SEPTIN9: variants seen among roughly 807,000 people sequenced by gnomAD.
SEPTIN9 encodes septin-9.
SEPTIN9 carries 13 observed loss-of-function variants against 56.6 expected under a neutral mutation model. The ratio of observed to expected loss-of-function variants is 0.23; its 90% confidence interval spans 0.15 to 0.37. The LOEUF (loss-of-function observed/expected upper bound fraction) is 0.37. SEPTIN9 is among the 10% of genes least tolerant of loss of function. The pLI is 1.00. For missense variants in SEPTIN9, 650 were observed against 823.1 expected (o/e 0.79, Z 2.57); for synonymous variants, 332 against 334.1 (o/e 0.99, Z 0.07).
At position 77,451,274 on chromosome 17, in the gene SEPTIN9, G is replaced by A; in HGVS notation, c.722-30870G>A. ...TTCAGGTTGCTTCTGCGCCGGGCCT[G>A]CCGCTGGGCGCCCCTATCTCTGCCT... is the stretch of plus-strand genomic sequence containing the variant. On this transcript the variant is annotated intron_variant, in intron 3 of 11. Coordinates refer to ENST00000427177, the MANE Select transcript of SEPTIN9 (RefSeq NM_001113491.2). The surrounding 1 kb of genome is among the most constrained non-coding windows in gnomAD (Gnocchi z 4.2). The A allele has an allele frequency of 1.3e-6, 1 of 760,096 alleles. No homozygotes were observed. The highest frequency in any genetic ancestry group is 1.6e-6 in the Non-Finnish European group (1 of 623,810). The allele number at this position is 760,096 out of a possible 1,614,324, so 47.1% of individuals were successfully genotyped here.
intron 2 of SEPTIN9, among the ~76,000 whole-genome samples, chr17:77,359,620 C>T (rs2034352883): frequency 6.6e-6 from 1 of 151,996 alleles, no homozygotes; most frequent in African/African-American, 2.4e-5. Flanking sequence ...TTGCAAGACC[C>T]TGTCTCTGCA....
chr17:77,467,582 C>T (rs918310013), intron 3 of SEPTIN9, among the ~76,000 whole-genome samples: 28 of 152,324 alleles, frequency 1.8e-4, no homozygotes, highest in African/African-American at 6.0e-4. Context: ...TTTCCTGAAC[C>T]GGCCTCCCAC....
intron 2 of SEPTIN9, among the ~76,000 whole-genome samples, chr17:77,396,451 A>T (rs1271089952): frequency 6.6e-6 from 1 of 152,194 alleles, no homozygotes; most frequent in African/African-American, 2.4e-5. Flanking sequence ...GTGAATGTGG[A>T]TACCCCTTGG....
At chr17:77,439,808 G>A (rs981221936) in intron 3 of SEPTIN9, among the ~76,000 whole-genome samples, 1 of 152,192 alleles carries the variant, frequency 6.6e-6, no homozygotes, top group East Asian at 1.9e-4. Flanking sequence ...GCAGGCCCCC[G>A]CTGCCTGGGG....
chr17:77,466,710 G>A (rs2038749874), intron 3 of SEPTIN9: 3 of 334,640 alleles, frequency 9.0e-6, no homozygotes, highest in Non-Finnish European at 1.3e-5. Flanking sequence ...TAACATCACA[G>A]CGTTCATAAG....
chr17:77,369,578 C>T lies in SEPTIN9; in HGVS notation c.77-32481C>T, dbSNP rs180684479. On this transcript the variant is annotated intron_variant, in intron 2 of 11. Transcript: ENST00000427177. This position sits in a 1 kb window ranked among gnomAD's most constrained non-coding sequence, Gnocchi z 4.9. Reference sequence around the variant, plus strand: ...GGGCTGTGGAAGGCTCTGCCACTGACGGACCCAGGGCTCGGCAGCTCTGGG... The same window carrying T: ...GGGCTGTGGAAGGCTCTGCCACTGATGGACCCAGGGCTCGGCAGCTCTGGG... Among the ~76,000 whole-genome samples the T allele has an allele frequency of 7.2e-4, 109 of 152,290 alleles. 3 individuals carry two copies. In the South Asian group the frequency reaches 0.014, roughly 20 times the overall value.
chr17:77,482,628 G>C, intron 4 of SEPTIN9: 1 of 633,038 alleles, frequency 1.6e-6, no homozygotes, highest in Non-Finnish European at 2.9e-6. Context: ...CTGCCTCTGA[G>C]CAATGACGTC....
At chr17:77,418,719 C>T (rs1332892633) in intron 3 of SEPTIN9, among the ~76,000 whole-genome samples, 1 of 152,180 alleles carries the variant, frequency 6.6e-6, no homozygotes, top group Non-Finnish European at 1.5e-5. Context: ...CCATTGATGT[C>T]TCCAGATGCT....
rs1446417242 is a variant in SEPTIN9, at chr17:77,389,974, C to T, written c.77-12085C>T. Among the ~76,000 whole-genome samples, 1 of 152,016 alleles carries T rather than the reference C, an allele frequency of 6.6e-6. No homozygotes were observed. Among genetic ancestry groups the T allele is most frequent in the Non-Finnish European group, 1.5e-5 (1 of 67,988 alleles). On this transcript the variant is annotated intron_variant, in intron 2 of 11. Coordinates refer to ENST00000427177, the MANE Select transcript of SEPTIN9 (RefSeq NM_001113491.2). This position sits in a 1 kb window ranked among gnomAD's most constrained non-coding sequence, Gnocchi z 4.3. ...CAACTTAGCGCCACTTTAAAGTCCG[C>T]CTGGAATGACCCTGTGGCTGCCGGA... is the stretch of plus-strand genomic sequence containing the variant.
chr17:77,365,788 C>G (rs1157085451), intron 2 of SEPTIN9, among the ~76,000 whole-genome samples: 6 of 152,178 alleles, frequency 3.9e-5, no homozygotes, highest in Non-Finnish European at 7.3e-5. Context: ...CCACAGAGGG[C>G]CAGCAGGGAG....
intron 1 of SEPTIN9, among the ~76,000 whole-genome samples, chr17:77,296,183 C>CG: frequency 6.6e-6 from 1 of 152,256 alleles, no homozygotes; most frequent in African/African-American, 2.4e-5. Flanking sequence ...CTAACCCTGA[C>CG]GGCACCTTGA....
At chr17:77,446,329 C>G (rs1227573172) in intron 3 of SEPTIN9, 1 of 166,110 alleles carries the variant, frequency 6.0e-6, no homozygotes, top group Non-Finnish European at 1.5e-5. Context: ...CCTACAGCCT[C>G]CTCCTTCTCT....
chr17:77,336,400 T>C, intron 2 of SEPTIN9, among the ~76,000 whole-genome samples: 1 of 152,186 alleles, frequency 6.6e-6, no homozygotes, highest in East Asian at 1.9e-4. Context: ...TGTATTTCTT[T>C]TATTTCTCTA....
rs912050646 is a variant in SEPTIN9, at chr17:77,388,934, G to A, written c.77-13125G>A. On this transcript the variant is annotated intron_variant, in intron 2 of 11. Coordinates refer to ENST00000427177, the MANE Select transcript of SEPTIN9 (RefSeq NM_001113491.2). ...CCCAGGCAGATCAGGAATGGTCACC[G>A]CCTGTGTGTGCAGTGACAGGTCTGG... Among the ~76,000 whole-genome samples the A allele has an allele frequency of 1.9e-4, 28 of 148,432 alleles. 1 individual carries two copies. The highest frequency in any genetic ancestry group is 2.4e-4 in the Non-Finnish European group (16 of 67,472).
Position 77,367,061 on chromosome 17 carries a change from T to C in SEPTIN9, c.77-34998T>C, listed in dbSNP as rs949576176. ...ATGTGCTTCTTTGAGTGAAACCTTA[T>C]GGTTGCATTGAAGCGGCCAGGCAGA... On this transcript the variant is annotated intron_variant, in intron 2 of 11. Transcript: ENST00000427177. The surrounding 1 kb of genome is among the most constrained non-coding windows in gnomAD (Gnocchi z 4.5). Among the ~76,000 whole-genome samples the C allele has an allele frequency of 2.0e-5, 3 of 152,188 alleles. No homozygotes were observed. The highest frequency in any genetic ancestry group is 4.8e-5 in the African/African-American group (2 of 41,438).
intron 3 of SEPTIN9, among the ~76,000 whole-genome samples, chr17:77,432,571 TC>T (rs1305223554): frequency 2.0e-5 from 3 of 152,162 alleles, no homozygotes; most frequent in Non-Finnish European, 4.4e-5. Context: ...CACCAGCCCC[TC>T]CTCAGGCCAG....
intron 2 of SEPTIN9, among the ~76,000 whole-genome samples, chr17:77,309,055 TC>T (rs1263791480): frequency 6.6e-6 from 1 of 152,248 alleles, no homozygotes; most frequent in Non-Finnish European, 1.5e-5. Flanking sequence ...GGGGAGCTTT[TC>T]TCCGGCTCCG....
At chr17:77,419,170 G>A (rs887206570) in intron 3 of SEPTIN9, among the ~76,000 whole-genome samples, 3 of 152,214 alleles carry the variant, frequency 2.0e-5, no homozygotes, top group South Asian at 2.1e-4. Flanking sequence ...GGAGAAGGCC[G>A]CTGTTTGAAC....
intron 2 of SEPTIN9, chr17:77,373,385 T>C: frequency 1.6e-6 from 2 of 1,238,316 alleles, no homozygotes; most frequent in Non-Finnish European, 2.0e-6. Flanking sequence ...GGCGGCTAGC[T>C]CTGCACTGCA....
Sources: gnomAD v4.1 joint callset for allele counts (sites outside exome capture counted in the v4.1 genomes callset) on GRCh38, gnomAD v4.1.1 for gene constraint, Gnocchi (gnomAD v3.1) non-coding constraint, MANE v1.5 for transcripts, NCBI Gene and HGNC (gene_info 2026-07-23, HGNC 2026-07-21) for gene names.